Variants in UNC5D observed in about 807,000 individuals in gnomAD.
UNC5D encodes netrin receptor UNC5D.
A neutral mutation model predicts 105.4 loss-of-function variants in UNC5D; 39 were observed. The observed-to-expected ratio is 0.37, with a 90% confidence interval of 0.29 to 0.48. The LOEUF (loss-of-function observed/expected upper bound fraction) is 0.48. Ranked by LOEUF, UNC5D falls within the 20% of genes least tolerant of loss-of-function variation. The pLI is 0.98. For synonymous variants in UNC5D, 452 were observed against 450.4 expected (o/e 1.00, Z -0.04); for missense variants, 991 against 1,202.4 (o/e 0.82, Z 2.60).
intron 11 of UNC5D, among the ~76,000 whole-genome samples, chr8:35,734,742 T>A (rs1829374505): frequency 6.6e-6 from 1 of 151,550 alleles, no homozygotes; most frequent in South Asian, 2.1e-4. Context: ...TTATTGGGAA[T>A]GTTTTTGAGG....
intron 1 of UNC5D, among the ~76,000 whole-genome samples, chr8:35,442,900 T>TCA (rs1285651626): frequency 0.013 from 1,739 of 135,032 alleles, 34 homozygotes; most frequent in African/African-American, 0.049. Flanking sequence ...TCTCTCTCTC[T>TCA]CTCTCACACA....
intron 1 of UNC5D, among the ~76,000 whole-genome samples, chr8:35,388,452 A>G (rs530428920): frequency 5.9e-5 from 9 of 152,282 alleles, no homozygotes; most frequent in African/African-American, 1.9e-4. Flanking sequence ...CCAGTCCACC[A>G]TACTTGGAGC....
intron 7 of UNC5D, among the ~76,000 whole-genome samples, chr8:35,697,136 T>TAC (rs1376649277): frequency 6.9e-6 from 1 of 144,090 alleles, no homozygotes; most frequent in Non-Finnish European, 1.5e-5. Context: ...CTTATATATA[T>TAC]ACATACACAC....
intron 4 of UNC5D, among the ~76,000 whole-genome samples, chr8:35,676,897 T>C (rs1825269570): frequency 1.4e-5 from 2 of 143,390 alleles, no homozygotes; most frequent in South Asian, 4.3e-4. Flanking sequence ...ATCTCACTCA[T>C]GAATATGTTT....
At chr8:35,550,660 C>A (rs1658995162) in intron 2 of UNC5D, among the ~76,000 whole-genome samples, 1 of 152,020 alleles carries the variant, frequency 6.6e-6, no homozygotes, top group Non-Finnish European at 1.5e-5. Context: ...GACAAATATG[C>A]CCATGAATGC....
intron 1 of UNC5D, among the ~76,000 whole-genome samples, chr8:35,380,094 G>GC (rs1343623685): frequency 1.0e-5 from 1 of 97,208 alleles, no homozygotes; most frequent in African/African-American, 3.9e-5. Flanking sequence ...GGGTGGGGGG[G>GC]GGGTCGGGGA....
chr8:35,774,626 G>A, intron 16 of UNC5D, 149 bp downstream of exon 16: 1 of 1,125,288 alleles, frequency 8.9e-7, no homozygotes, highest in South Asian at 1.6e-5. Flanking sequence ...AAGTAAGTGG[G>A]GAAAGAGCAA....
intron 1 of UNC5D, chr8:35,544,595 GTTTTTTTTTTT>G (rs775831187): frequency 1.6e-5 from 9 of 571,586 alleles, no homozygotes; most frequent in East Asian, 1.4e-4. Flanking sequence ...TTTCGTTTTC[GTTTTTTTTTTT>G]TTTTTTTTTT....
intron 9 of UNC5D, chr8:35,724,401 G>A: frequency 8.1e-7 from 1 of 1,231,208 alleles, no homozygotes; most frequent in Non-Finnish European, 1.1e-6. Context: ...AATACATCCA[G>A]TGCCCCGGCA....
intron 1 of UNC5D, among the ~76,000 whole-genome samples, chr8:35,297,687 G>A (rs1807596529): frequency 6.6e-6 from 1 of 151,964 alleles, no homozygotes; most frequent in Admixed American, 6.6e-5. Flanking sequence ...TGTAGATAAA[G>A]TTCTGGTGTT....
At chr8:35,630,875 G>T (rs1821996538) in intron 4 of UNC5D, among the ~76,000 whole-genome samples, 1 of 152,186 alleles carries the variant, frequency 6.6e-6, no homozygotes, top group South Asian at 2.1e-4. Context: ...CAATTTTGGG[G>T]CCCCAAGGAT....
intron 13 of UNC5D, among the ~76,000 whole-genome samples, chr8:35,751,198 C>T (rs1830265829): frequency 6.6e-6 from 1 of 152,090 alleles, no homozygotes; most frequent in Non-Finnish European, 1.5e-5. Context: ...GAGTCAGTTC[C>T]TGGGTCGGGG....
chr8:35,534,524 C>T (rs1241115509), intron 1 of UNC5D, among the ~76,000 whole-genome samples: 4 of 151,310 alleles, frequency 2.6e-5, no homozygotes, highest in African/African-American at 9.7e-5. Flanking sequence ...AAATAAGTTA[C>T]GTTTACTCTG....
At chr8:35,479,201 T>C (rs1810315248) in intron 1 of UNC5D, among the ~76,000 whole-genome samples, 1 of 152,132 alleles carries the variant, frequency 6.6e-6, no homozygotes, top group South Asian at 2.1e-4. Flanking sequence ...GGCAGAAAGT[T>C]ACACAGAATT....
At chr8:35,523,653 A>T (rs1813650648) in intron 1 of UNC5D, among the ~76,000 whole-genome samples, 2 of 145,620 alleles carry the variant, frequency 1.4e-5, no homozygotes, top group African/African-American at 5.1e-5. Flanking sequence ...CTAAAAAAAA[A>T]ATTTCATTTT....
chr8:35,495,971 T>G (rs1811561960), intron 1 of UNC5D, among the ~76,000 whole-genome samples: 1 of 152,198 alleles, frequency 6.6e-6, no homozygotes. Context: ...CAACTTTACG[T>G]GGTGGCAAAA....
At position 35,793,526 on chromosome 8, in the gene UNC5D, C is replaced by T. The variant is rs1008383927; in HGVS notation, c.*2963C>T. 6.3e-6 allele frequency: 1 copy of T among 159,388 alleles called. No individual in the cohort carries two copies. Among genetic ancestry groups the T allele is most frequent in the Non-Finnish European group, 1.4e-5 (1 of 72,514 alleles). The allele number at this position is 159,388 out of a possible 1,614,324, so 9.9% of individuals were successfully genotyped here. On this transcript the variant is annotated 3_prime_UTR_variant, in exon 17 of 17. Transcript: ENST00000404895. ...TTTTACAAAAATATCCCACTCAATG[C>T]CAAATCTTTCAGTCCTCAAAGGCAT...
intron 3 of UNC5D, among the ~76,000 whole-genome samples, chr8:35,582,772 G>C (rs1484944426): frequency 6.6e-6 from 1 of 152,118 alleles, no homozygotes; most frequent in Non-Finnish European, 1.5e-5. Context: ...GAATTACAAT[G>C]AGGTGGTGAG....
At chr8:35,546,484 G>C (rs1815689959) in intron 1 of UNC5D, among the ~76,000 whole-genome samples, 2 of 152,198 alleles carry the variant, frequency 1.3e-5, no homozygotes, top group African/African-American at 4.8e-5. Context: ...AAGGAAAAGT[G>C]CATCATTCAG....
Sources: allele counts gnomAD v4.1 joint callset (sites outside exome capture counted in the v4.1 genomes callset), GRCh38; gene constraint gnomAD v4.1.1; transcripts MANE v1.5; gene names NCBI Gene and HGNC (gene_info 2026-07-23, HGNC 2026-07-21).